ENTPD4: variants seen among roughly 807,000 people sequenced by gnomAD.
The protein encoded by ENTPD4 is Golgi UDPase.
ENTPD4 carries 60 observed loss-of-function variants against 79.1 expected under a neutral mutation model. The observed-to-expected ratio is 0.76, with a 90% CI of 0.62 to 0.94. ENTPD4 has a LOEUF of 0.94. Among genes scored for constraint, ENTPD4 ranks in the 40% least tolerant of loss-of-function variants. ENTPD4 has a pLI of 0.00. For missense variants in ENTPD4, 772 were observed against 775.1 expected, an observed-to-expected ratio of 1.00 and a Z score of 0.05; for synonymous variants, 276 against 292.0, an observed-to-expected ratio of 0.95 and a Z score of 0.56.
intron 12 of ENTPD4, 29 bp from the exon 13 acceptor site, chr8:23,433,183 A>T: frequency 2.5e-6 from 4 of 1,599,060 alleles, no homozygotes; most frequent in Non-Finnish European, 3.4e-6. Flanking sequence ...AACAACAAAC[A>T]GGACAGTAAG....
Position 23,432,725 on chromosome 8 carries a change from C to T in ENTPD4, c.*201G>A. On this transcript the variant is annotated 3_prime_UTR_variant, in exon 13 of 13. Transcript: ENST00000358689. ...GTGTTAGCCAGGATGGTCTCGATCT[C>T]CTGACCTCATGATCCGCCCGCCTCG... 1 of 1,201,628 alleles carries T rather than the reference C, an allele frequency of 8.3e-7. No homozygotes were observed. Among genetic ancestry groups the T allele is most frequent in the Non-Finnish European group, 1.1e-6 (1 of 900,982 alleles). The allele number at this position is 1,201,628 out of a possible 1,614,324, so 74.4% of individuals were successfully genotyped here.
At position 23,433,228 on chromosome 8, in the gene ENTPD4, G is replaced by C. The variant is rs979183358; in HGVS notation, c.1623-74C>G. The C allele has an allele frequency of 4.5e-6, 6 of 1,318,842 alleles. No homozygotes were observed. In the South Asian group the frequency reaches 6.4e-5, roughly 14 times the overall value. 81.7% of individuals were successfully genotyped at this position (1,318,842 alleles called of 1,614,324 possible). On this transcript the variant is annotated intron_variant, in intron 12 of 12. Coordinates refer to ENST00000358689, the MANE Select transcript of ENTPD4 (RefSeq NM_004901.5). ...GGGTGGAAAGGGTGCACAGGGGGAC[G>C]GCGGGACCCAGGCCCCAGAGCTGCA...
Position 23,444,566 on chromosome 8 carries a change from A to C in ENTPD4, c.453T>G (p.Asp151Glu). Residue 151 changes from aspartate (D) to glutamate (E), a missense_variant, in exon 5 of 13, where the codon GAT (aspartate) becomes GAG (glutamate). Coordinates refer to ENST00000358689, the MANE Select transcript of ENTPD4 (RefSeq NM_004901.5). The part of the protein sequence containing the change: ...EFATSPEKVS[D>E]YISPLLNFAA... ...CAAAGTTCAAAAGTGGAGAAATGTA[A>C]TCACTGACTTTCTCTGGAGAGGTAG... 6.2e-7 allele frequency: 1 copy of C among 1,614,124 alleles called. No individual in the cohort carries two copies. The highest frequency in any genetic ancestry group is 1.1e-5 in the South Asian group (1 of 91,082).
At chr8:23,448,362 G>A (rs1003317341) in intron 3 of ENTPD4, among the ~76,000 whole-genome samples, 8 of 152,196 alleles carry the variant, frequency 5.3e-5, no homozygotes, top group African/African-American at 1.4e-4. Context: ...AAATGATGGT[G>A]TTATGGTCTG....
rs1800468171 is a variant in ENTPD4 at position 23,432,254 on chromosome 8, C to G, written c.*672G>C. ...ATTTCAGGCAGTAAGTTTTTTGGTTCTATGAAAGCATCACTATTCAGTCCC... is the reference window on the plus strand; with the variant it reads ...ATTTCAGGCAGTAAGTTTTTTGGTTGTATGAAAGCATCACTATTCAGTCCC... On this transcript the variant is annotated 3_prime_UTR_variant, in exon 13 of 13. Transcript: ENST00000358689. 1 of 985,182 alleles carries G rather than the reference C, an allele frequency of 1.0e-6. No homozygotes were observed. Among genetic ancestry groups the G allele is most frequent in the Middle Eastern group, 5.2e-4 (1 of 1,936 alleles). 61.0% of individuals were successfully genotyped at this position (985,182 alleles called of 1,614,324 possible).
At position 23,433,082 on chromosome 8, in the gene ENTPD4, G is replaced by A. The variant is rs776240690; in HGVS notation, c.1695C>T (p.Tyr565=). 1 of 1,614,186 alleles carries A rather than the reference G, an allele frequency of 6.2e-7. No homozygotes were observed. Among genetic ancestry groups the A allele is most frequent in the Non-Finnish European group, 8.5e-7 (1 of 1,180,040 alleles). Residue 565 remains tyrosine, a synonymous_variant, in exon 13 of 13, where the codon TAC becomes TAT. Coordinates refer to ENST00000358689, the MANE Select transcript of ENTPD4 (RefSeq NM_004901.5). ...CCACCAGGAAGCAGCCAGAGAACAG[G>A]TAGTGGTTGTAGACAAAGGAAACGC... ...WRGVSFVYNH[Y]LFSGCFLVVL... is the part of the protein sequence containing the mutation.
In ENTPD4 at chr8:23,430,194, CCTT is replaced by C. The variant is rs1481861807; in HGVS notation, c.*2729_*2731del. On this transcript the variant is annotated 3_prime_UTR_variant, in exon 13 of 13. Coordinates refer to ENST00000358689, the MANE Select transcript of ENTPD4 (RefSeq NM_004901.5). Reference sequence around the variant, plus strand: ...CCTGGCTGTCTTCACCTACGCGAGACCTTCTCTGGAATGTGATTTGCTGCGACT... The same window carrying C: ...CCTGGCTGTCTTCACCTACGCGAGACCTCTGGAATGTGATTTGCTGCGACT... The C allele has an allele frequency of 3.6e-5, 35 of 985,360 alleles. No homozygotes were observed. Among genetic ancestry groups the C allele is most frequent in the Admixed American group, 1.2e-4 (2 of 16,272 alleles). 61.0% of individuals were successfully genotyped at this position (985,360 alleles called of 1,614,324 possible). A position where few individuals can be genotyped will look rare whatever the true frequency, so the allele number is the denominator to read the frequency against.
intron 6 of ENTPD4, among the ~76,000 whole-genome samples, chr8:23,442,615 G>T (rs533115543): frequency 6.6e-6 from 1 of 152,158 alleles, no homozygotes; most frequent in African/African-American, 2.4e-5. Context: ...CCCGGGAGGT[G>T]GAGGTTGCAG....
chr8:23,454,815 ACTG>A (rs1800927552), intron 1 of ENTPD4, among the ~76,000 whole-genome samples: 1 of 152,226 alleles, frequency 6.6e-6, no homozygotes, highest in African/African-American at 2.4e-5. Context: ...ACAGCTTATA[ACTG>A]CTGAAGCACT....
At chr8:23,450,295 G>A (rs1018075042) in intron 1 of ENTPD4, among the ~76,000 whole-genome samples, 1 of 152,160 alleles carries the variant, frequency 6.6e-6, no homozygotes, top group African/African-American at 2.4e-5. Context: ...ATGGTACAAG[G>A]GAGATTTGGG....
chr8:23,448,378 C>T (rs1162569861), intron 3 of ENTPD4, among the ~76,000 whole-genome samples: 1 of 152,136 alleles, frequency 6.6e-6, no homozygotes, highest in Non-Finnish European at 1.5e-5. Flanking sequence ...GTCTGAATGT[C>T]TGGGGCCCCC....
intron 1 of ENTPD4, among the ~76,000 whole-genome samples, chr8:23,456,597 A>G (rs1800963100): frequency 6.6e-6 from 1 of 152,258 alleles, no homozygotes; most frequent in South Asian, 2.1e-4. Context: ...TGCAACAACT[A>G]CAAGACCTCT....
chr8:23,432,414 G>T lies in ENTPD4; in HGVS notation c.*512C>A. On this transcript the variant is annotated 3_prime_UTR_variant, in exon 13 of 13. Coordinates refer to ENST00000358689, the MANE Select transcript of ENTPD4 (RefSeq NM_004901.5). ...ATATCCTGTGCAGCAAAAATCAAGT[G>T]AATTTCCCTCTTCCCCACTCCTCAA... The T allele has an allele frequency of 5.1e-6, 5 of 985,614 alleles. No individual in the cohort carries two copies. Among genetic ancestry groups the T allele is most frequent in the Non-Finnish European group, 6.0e-6 (5 of 830,170 alleles). 61.1% of individuals were successfully genotyped at this position (985,614 alleles called of 1,614,324 possible).
chr8:23,434,685 T>A, intron 11 of ENTPD4: 9 of 1,411,600 alleles, frequency 6.4e-6, no homozygotes, highest in Non-Finnish European at 6.5e-6. Flanking sequence ...AGTTCACCTG[T>A]CAAATCAATC....
chr8:23,448,077 A>C (rs34022555), intron 3 of ENTPD4, among the ~76,000 whole-genome samples, 192 bp from the exon 4 acceptor site: 16,034 of 152,256 alleles, frequency 0.11, 1,106 homozygotes, highest in East Asian at 0.28. Context: ...AAGATCATCT[A>C]AATCAGACAC....
chr8:23,429,184 ATTGATTT>A lies in ENTPD4; in HGVS notation c.*3735_*3741del. 1.0e-6 allele frequency: 1 copy of A among 985,468 alleles called. No homozygotes were observed. The highest frequency in any genetic ancestry group is 1.2e-6 in the Non-Finnish European group (1 of 829,920). 61.0% of individuals were successfully genotyped at this position (985,468 alleles called of 1,614,324 possible). The stretch of plus-strand genomic sequence containing the variant: ...CCATGGGATGATGAACTTTCGTTTT[ATTGATTT>A]TTCAGTACCCAAGTGTGGCACTGTA... On this transcript the variant is annotated 3_prime_UTR_variant, in exon 13 of 13. Coordinates refer to ENST00000358689, the MANE Select transcript of ENTPD4 (RefSeq NM_004901.5).
chr8:23,430,489 G>A lies in ENTPD4; in HGVS notation c.*2437C>T. On this transcript the variant is annotated 3_prime_UTR_variant, in exon 13 of 13. Transcript: ENST00000358689. ...TCTGTATCCTTTTTTGAACTGCATTGTTCTCACAAGGACCAGCAAACTTTT... is the reference window on the plus strand; with the variant it reads ...TCTGTATCCTTTTTTGAACTGCATTATTCTCACAAGGACCAGCAAACTTTT... The A allele has an allele frequency of 2.0e-6, 2 of 985,352 alleles. No homozygotes were observed. Among genetic ancestry groups the A allele is most frequent in the East Asian group, 1.1e-4 (1 of 8,812 alleles). 61.0% of individuals were successfully genotyped at this position (985,352 alleles called of 1,614,324 possible). A position where few individuals can be genotyped will look rare whatever the true frequency, so the allele number is the denominator to read the frequency against.
chr8:23,436,970 TC>T lies in ENTPD4; in HGVS notation c.1337del (p.Gly446GlufsTer68), dbSNP rs1270278250. On this transcript the variant is annotated frameshift_variant, in exon 10 of 13. Coordinates refer to ENST00000358689, the MANE Select transcript of ENTPD4 (RefSeq NM_004901.5). LOFTEE classifies it high-confidence loss of function. Reference sequence around the variant, plus strand: ...TAGTAAATTTAGCAGCATTGTAGTCTCCCCCCATTCGTAACACATCCTCGGT... The same window carrying T: ...TAGTAAATTTAGCAGCATTGTAGTCTCCCCCATTCGTAACACATCCTCGGT... ...YCTEDVLRMG[G>X]DYNAAKFTKA... The T allele has an allele frequency of 1.2e-6, 2 of 1,609,914 alleles. No homozygotes were observed. Among genetic ancestry groups the T allele is most frequent in the Non-Finnish European group, 1.7e-6 (2 of 1,177,986 alleles).
At chr8:23,456,656 C>T (rs370570635) in intron 1 of ENTPD4, among the ~76,000 whole-genome samples, 3 of 152,268 alleles carry the variant, frequency 2.0e-5, no homozygotes, top group East Asian at 3.9e-4. Context: ...AATTAGTGTT[C>T]CATTTTATAA....
Sources: gnomAD v4.1 joint callset for allele counts (sites outside exome capture counted in the v4.1 genomes callset) on GRCh38, gnomAD v4.1.1 for gene constraint, MANE v1.5 for transcripts, NCBI Gene and HGNC (gene_info 2026-07-23, HGNC 2026-07-21) for gene names.